The following BCAS3 variants were observed in gnomAD, a reference collection of about 807,000 sequenced individuals.
The protein encoded by BCAS3 is BCAS4/BCAS3 fusion.
In BCAS3, 53 loss-of-function variants were observed where a neutral mutation model predicts 116.1. The observed-to-expected ratio is 0.46, with a 90% CI of 0.37 to 0.57. The LOEUF (loss-of-function observed/expected upper bound fraction) is 0.57. Among genes scored for constraint, BCAS3 ranks in the 20% least tolerant of loss-of-function variants. The pLI is 0.00. For synonymous variants in BCAS3, 391 were observed against 408.2 expected (o/e 0.96, Z 0.51); for missense variants, 917 against 1,165.4 (o/e 0.79, Z 3.10).
intron 1 of BCAS3, among the ~76,000 whole-genome samples, chr17:60,678,253 G>A (rs1465621994): frequency 6.6e-6 from 1 of 152,146 alleles, no homozygotes; most frequent in East Asian, 1.9e-4. Flanking sequence ...GGGCTGAGGG[G>A]CTGGAGGTGC....
intron 22 of BCAS3, among the ~76,000 whole-genome samples, chr17:61,263,200 A>G (rs2049379931): frequency 6.6e-6 from 1 of 152,216 alleles, no homozygotes; most frequent in South Asian, 2.1e-4. Flanking sequence ...AGAAACCAAC[A>G]GGGGAAGGTG....
intron 7 of BCAS3, among the ~76,000 whole-genome samples, chr17:60,849,858 T>A (rs1252838100): frequency 6.6e-6 from 1 of 152,208 alleles, no homozygotes; most frequent in Non-Finnish European, 1.5e-5. Context: ...ACTCCTGGGC[T>A]GAAGTGATCC....
At chr17:60,815,637 G>A (rs2049310405) in intron 7 of BCAS3, among the ~76,000 whole-genome samples, 1 of 152,142 alleles carries the variant, frequency 6.6e-6, no homozygotes, top group African/African-American at 2.4e-5. Context: ...TCAGTTTATA[G>A]GCATAAATAT....
intron 21 of BCAS3, among the ~76,000 whole-genome samples, chr17:61,080,413 T>C (rs1254116176): frequency 6.6e-6 from 1 of 152,106 alleles, no homozygotes; most frequent in African/African-American, 2.4e-5. Flanking sequence ...GCTGTCCCTT[T>C]TTACATTTTT....
intron 6 of BCAS3, among the ~76,000 whole-genome samples, chr17:60,795,235 TAGA>T (rs1221939939): frequency 1.3e-5 from 2 of 152,188 alleles, no homozygotes; most frequent in Non-Finnish European, 2.9e-5. Context: ...TGTTGGTGTA[TAGA>T]AGAACTACTG....
At chr17:61,030,926 G>A (rs2066588623) in intron 16 of BCAS3, among the ~76,000 whole-genome samples, 1 of 151,736 alleles carries the variant, frequency 6.6e-6, no homozygotes, top group South Asian at 2.1e-4. Flanking sequence ...TCCATCGAGA[G>A]TATGTCTTGT....
intron 22 of BCAS3, among the ~76,000 whole-genome samples, chr17:61,143,535 C>A (rs1369719035): frequency 3.3e-5 from 5 of 152,166 alleles, no homozygotes; most frequent in African/African-American, 1.2e-4. Context: ...GTGGGCCAGG[C>A]ATGGTGGCTC....
chr17:61,152,870 T>C (rs2077617748), intron 22 of BCAS3, among the ~76,000 whole-genome samples: 1 of 152,166 alleles, frequency 6.6e-6, no homozygotes, highest in Non-Finnish European at 1.5e-5. Context: ...TCCTGGAGAT[T>C]TATTTTTCTG....
intron 5 of BCAS3, among the ~76,000 whole-genome samples, chr17:60,744,611 T>C (rs944679460): frequency 2.0e-5 from 3 of 152,186 alleles, no homozygotes; most frequent in Admixed American, 6.5e-5. Context: ...TTTAGAATTA[T>C]GCTTCTAATT....
In BCAS3 at chr17:61,348,894, A is replaced by G. The variant is rs1290366103; in HGVS notation, c.2426-19433A>G. 6.6e-6 allele frequency among the ~76,000 whole-genome samples: 1 copy of G among 151,178 alleles called. No homozygotes were observed. The highest frequency in any genetic ancestry group is 2.4e-5 in the African/African-American group (1 of 41,080). On this transcript the variant is annotated intron_variant, in intron 22 of 23. Coordinates refer to ENST00000407086, the MANE Select transcript of BCAS3 (RefSeq NM_017679.5). This position sits in a 1 kb window ranked among gnomAD's most constrained non-coding sequence, Gnocchi z 4.5. The stretch of plus-strand genomic sequence containing the variant: ...CAGCTTCCCGAGTAGCTGGGACTAC[A>G]GGCGCCCACCGCCACACACGGCTAA...
At chr17:61,179,273 C>CT (rs34316965) in intron 22 of BCAS3, among the ~76,000 whole-genome samples, 88,959 of 129,880 alleles carry the variant, frequency 0.68, 31,285 homozygotes, top group South Asian at 0.86. Context: ...AAGAAAAAGC[C>CT]TTTTTTTTTT....
At chr17:61,001,710 T>G (rs1054030970) in intron 15 of BCAS3, among the ~76,000 whole-genome samples, 2 of 152,292 alleles carry the variant, frequency 1.3e-5, no homozygotes, top group Admixed American at 6.5e-5. Flanking sequence ...ATTGATTATG[T>G]GTACTTTATT....
intron 13 of BCAS3, among the ~76,000 whole-genome samples, chr17:60,928,205 A>AGGAAGG (rs1279782745): frequency 1.3e-5 from 2 of 152,172 alleles, no homozygotes; most frequent in Non-Finnish European, 2.9e-5. Flanking sequence ...AAGGAAGGAA[A>AGGAAGG]ACCCTTTGTG....
intron 22 of BCAS3, among the ~76,000 whole-genome samples, chr17:61,175,102 T>G (rs1361949057): frequency 6.6e-6 from 1 of 152,168 alleles, no homozygotes. Context: ...TCTCAGTGTG[T>G]CTTGTCAAAG....
chr17:60,826,386 T>C (rs1486207147), intron 7 of BCAS3, among the ~76,000 whole-genome samples: 2 of 152,070 alleles, frequency 1.3e-5, no homozygotes, highest in African/African-American at 4.8e-5. Context: ...GGTTTTGCCA[T>C]GTTGCCTCAA....
intron 4 of BCAS3, among the ~76,000 whole-genome samples, chr17:60,692,934 CTG>C (rs1345705475): frequency 6.7e-6 from 1 of 149,346 alleles, no homozygotes; most frequent in African/African-American, 2.5e-5. Context: ...TGTCACCAAA[CTG>C]AAACTAAGTT....
chr17:61,121,157 G>A (rs1231645763), intron 22 of BCAS3, among the ~76,000 whole-genome samples: 1 of 151,994 alleles, frequency 6.6e-6, no homozygotes, highest in Non-Finnish European at 1.5e-5. Flanking sequence ...AGCATACAGA[G>A]TTGCAATTTC....
At chr17:60,730,059 G>T (rs528726938) in intron 5 of BCAS3, among the ~76,000 whole-genome samples, 1 of 152,320 alleles carries the variant, frequency 6.6e-6, no homozygotes, top group Non-Finnish European at 1.5e-5. Context: ...CAAAGGACTG[G>T]AATGATATTT....
intron 5 of BCAS3, among the ~76,000 whole-genome samples, chr17:60,719,348 T>C (rs1295365989): frequency 6.6e-6 from 1 of 152,218 alleles, no homozygotes; most frequent in Non-Finnish European, 1.5e-5. Context: ...TCCAAACATA[T>C]GTATATAGTT....
Sources: allele counts gnomAD v4.1 joint callset (sites outside exome capture counted in the v4.1 genomes callset), GRCh38; gene constraint gnomAD v4.1.1; non-coding constraint Gnocchi (gnomAD v3.1); transcripts MANE v1.5; gene names NCBI Gene and HGNC (gene_info 2026-07-23, HGNC 2026-07-21).